BIRC6: variants seen among roughly 807,000 people sequenced by gnomAD.
BIRC6 encodes the protein dual E2 ubiquitin-conjugating enzyme/E3 ubiquitin-protein ligase BIRC6.
A neutral mutation model predicts 503.3 loss-of-function variants in BIRC6; 98 were observed. That is an observed-to-expected ratio of 0.19 (90% CI 0.17 to 0.23). The LOEUF is 0.23. Among genes scored for constraint, BIRC6 ranks in the 10% least tolerant of loss-of-function variants. BIRC6 has a pLI of 1.00. For synonymous variants in BIRC6, 2,240 were observed against 2,078.7 expected, an observed-to-expected ratio of 1.08 and a Z score of -2.11; for missense variants, 5,360 against 5,806.0, an observed-to-expected ratio of 0.92 and a Z score of 2.50.
rs187616084 is a variant in BIRC6, at chr2:32,575,591, C to T, written c.13355+225C>T. Among the ~76,000 whole-genome samples the T allele has an allele frequency of 5.0e-3, 754 of 152,044 alleles. 5 individuals carry two copies. Among genetic ancestry groups the T allele is most frequent in the Non-Finnish European group, 7.2e-3 (491 of 67,960 alleles). ...CATCCTGGCTAACATGGTGAAACCC[C>T]GTCTCTACTAAAAATACCAAAAAAT... is the stretch of plus-strand genomic sequence containing the variant. On this transcript the variant is annotated intron_variant, in intron 66 of 73. Coordinates refer to ENST00000421745, the MANE Select transcript of BIRC6 (RefSeq NM_016252.4).
rs756835298 is a variant in BIRC6 at position 32,487,689 on chromosome 2, G to A, written c.7856G>A (p.Gly2619Asp). Residue 2619 changes from glycine (G) to aspartate (D), a missense_variant, in exon 41 of 74, where the codon GGT becomes GAT. Gly to Asp is a moderately conservative substitution (Grantham distance 94). This residue lies in a region of BIRC6 where 2,299 missense variants were observed against 2,267.2 expected (regional missense o/e 1.01). Coordinates refer to ENST00000421745, the MANE Select transcript of BIRC6 (RefSeq NM_016252.4). ...GGAACAGATGATTCACTTCTAGGGG[G>A]TTTACAAGCAGCAAACCAAACCAGC... ...PTGTDDSLLGGLQAANQTSQL... is the reference protein window; with the variant it reads ...PTGTDDSLLGDLQAANQTSQL... 1.9e-6 allele frequency: 3 copies of A among 1,613,600 alleles called. No individual in the cohort carries two copies. In the African/African-American group the frequency reaches 4.0e-5, roughly 22 times the overall value.
chr2:32,520,842 A>G (rs2055580609), intron 57 of BIRC6, among the ~76,000 whole-genome samples: 1 of 152,160 alleles, frequency 6.6e-6, no homozygotes, highest in Non-Finnish European at 1.5e-5. Flanking sequence ...AATTAAATAA[A>G]TGAAGAAAGT....
At chr2:32,553,536 C>G (rs539049145) in intron 65 of BIRC6, among the ~76,000 whole-genome samples, 1 of 151,806 alleles carries the variant, frequency 6.6e-6, no homozygotes, top group South Asian at 2.1e-4. Flanking sequence ...TGCAGGCACC[C>G]GCCACCCACC....
At chr2:32,406,299 G>C (rs1392267883) in intron 8 of BIRC6, among the ~76,000 whole-genome samples, 200 bp from the exon 9 acceptor site, 6 of 152,124 alleles carry the variant, frequency 3.9e-5, no homozygotes, top group African/African-American at 7.2e-5. Context: ...GGGAGGCTGA[G>C]GCAGGAGGAT....
At chr2:32,476,990 G>A (rs1026983277) in intron 34 of BIRC6, among the ~76,000 whole-genome samples, 1 of 152,178 alleles carries the variant, frequency 6.6e-6, no homozygotes, top group South Asian at 2.1e-4. Flanking sequence ...GAAGTAACTC[G>A]AATTAATATT....
At chr2:32,404,349 G>A (rs1286038007) in intron 8 of BIRC6, among the ~76,000 whole-genome samples, 2 of 150,754 alleles carry the variant, frequency 1.3e-5, no homozygotes, top group African/African-American at 4.9e-5. Context: ...AGAGAGTCTT[G>A]CTCTGTCGCC....
At chr2:32,507,708 C>T (rs952416516) in intron 50 of BIRC6, among the ~76,000 whole-genome samples, 12 of 152,264 alleles carry the variant, frequency 7.9e-5, no homozygotes, top group Admixed American at 7.8e-4. Context: ...GGTACATGTG[C>T]ATCACACATC....
At chr2:32,567,055 C>A (rs2059582855) in intron 65 of BIRC6, among the ~76,000 whole-genome samples, 1 of 152,208 alleles carries the variant, frequency 6.6e-6, no homozygotes, top group Non-Finnish European at 1.5e-5. Context: ...ACTGCAACCT[C>A]TGCCTCCAGG....
chr2:32,371,896 C>T (rs2036022660), intron 1 of BIRC6, among the ~76,000 whole-genome samples: 1 of 152,094 alleles, frequency 6.6e-6, no homozygotes, highest in Non-Finnish European at 1.5e-5. Context: ...ACCTCCACCT[C>T]CCTGGTTCCA....
intron 59 of BIRC6, chr2:32,528,246 G>T (rs1305757492): frequency 1.3e-5 from 2 of 149,884 alleles, no homozygotes; most frequent in Non-Finnish European, 3.0e-5. Context: ...TTTTTGAGAC[G>T]TAGTTTCACT....
intron 45 of BIRC6, among the ~76,000 whole-genome samples, chr2:32,498,056 C>T (rs2052694660): frequency 6.6e-6 from 1 of 151,916 alleles, no homozygotes; most frequent in East Asian, 1.9e-4. Flanking sequence ...TTATTTATAA[C>T]TGAATTTCTT....
In BIRC6 at chr2:32,442,204, G is replaced by A. The variant is rs1184171020; in HGVS notation, c.4084G>A (p.Val1362Ile). The A allele has an allele frequency of 6.2e-7, 1 of 1,607,116 alleles. No individual in the cohort carries two copies. Among genetic ancestry groups the A allele is most frequent in the East Asian group, 2.2e-5 (1 of 44,818 alleles). Reference sequence around the variant, plus strand: ...GGATACTCTCTGTTGGTTAGCTGGAGTTCATTCAAATGGACCCGGAAGGTT... The same window carrying A: ...GGATACTCTCTGTTGGTTAGCTGGAATTCATTCAAATGGACCCGGAAGGTT... ...VLDTLCWLAG[V>I]HSNGPGSSKE... The change falls in exon 18 of 74, where the codon GTT becomes ATT. Residue 1362 changes from valine (V) to isoleucine (I), a missense_variant. This residue lies in a region of BIRC6 where 2,299 missense variants were observed against 2,267.2 expected (regional missense o/e 1.01). Transcript: ENST00000421745.
intron 23 of BIRC6, among the ~76,000 whole-genome samples, chr2:32,456,922 A>T (rs2047322636): frequency 6.6e-6 from 1 of 152,084 alleles, no homozygotes; most frequent in Non-Finnish European, 1.5e-5. Flanking sequence ...TTCGATCATT[A>T]TGAATTATCT....
chr2:32,541,080 T>C (rs1160896732), intron 61 of BIRC6, among the ~76,000 whole-genome samples: 1 of 152,080 alleles, frequency 6.6e-6, no homozygotes, highest in Non-Finnish European at 1.5e-5. Context: ...TTGTTTTGTT[T>C]TGTGGCATCA....
intron 8 of BIRC6, among the ~76,000 whole-genome samples, chr2:32,405,644 A>T (rs559979770): frequency 6.6e-6 from 1 of 152,308 alleles, no homozygotes; most frequent in East Asian, 1.9e-4. Context: ...CCATCTTCTG[A>T]GTTGTCATAG....
At chr2:32,405,223 C>G (rs1345967880) in intron 8 of BIRC6, among the ~76,000 whole-genome samples, 2 of 152,112 alleles carry the variant, frequency 1.3e-5, no homozygotes, top group Non-Finnish European at 2.9e-5. Context: ...AATATTTCTT[C>G]TTGGGATTCA....
intron 8 of BIRC6, among the ~76,000 whole-genome samples, chr2:32,402,904 A>C (rs541439600): frequency 6.8e-4 from 104 of 152,346 alleles, no homozygotes; most frequent in African/African-American, 2.4e-3. Flanking sequence ...ACACCCATAC[A>C]CATATAGTCA....
chr2:32,365,223 G>C (rs1395365873), intron 1 of BIRC6, among the ~76,000 whole-genome samples: 2 of 151,926 alleles, frequency 1.3e-5, no homozygotes, highest in African/African-American at 4.8e-5. Context: ...ACCTCTCTCT[G>C]TGCTTCATAA....
At chr2:32,587,280 G>A (rs950478052) in intron 66 of BIRC6, among the ~76,000 whole-genome samples, 1 of 152,024 alleles carries the variant, frequency 6.6e-6, no homozygotes, top group Non-Finnish European at 1.5e-5. Context: ...CCAGCTACTC[G>A]GGAGGCTGAG....
Sources: allele counts gnomAD v4.1 joint callset (sites outside exome capture counted in the v4.1 genomes callset), GRCh38; gene constraint gnomAD v4.1.1; regional missense constraint gnomAD v4.1.1; transcripts MANE v1.5; gene names NCBI Gene and HGNC (gene_info 2026-07-23, HGNC 2026-07-21).